CCDC3: variants seen among roughly 807,000 people sequenced by gnomAD.
CCDC3 encodes coiled-coil domain containing 3, also known as coiled-coil domain-containing protein 3.
A neutral mutation model predicts 21.4 loss-of-function variants in CCDC3; 24 were observed. The observed-to-expected ratio is 1.12, with a 90% CI of 0.81 to 1.58. The LOEUF is 1.58. Among genes scored for constraint, CCDC3 ranks in the 40% most tolerant of loss-of-function variants. The pLI is 0.00. For synonymous variants in CCDC3, 186 were observed against 166.0 expected, an observed-to-expected ratio of 1.12 and a Z score of -0.93; for missense variants, 425 against 360.9, an observed-to-expected ratio of 1.18 and a Z score of -1.44.
intron 2 of CCDC3, among the ~76,000 whole-genome samples, chr10:12,909,631 C>A (rs1016904282): frequency 1.3e-5 from 2 of 152,194 alleles, no homozygotes; most frequent in African/African-American, 4.8e-5. Context: ...TGAAGTCAGG[C>A]TCTCCCTTCC....
At chr10:13,000,725 C>T (rs2131287582) in intron 1 of CCDC3, among the ~76,000 whole-genome samples, 1 of 152,268 alleles carries the variant, frequency 6.6e-6, no homozygotes, top group African/African-American at 2.4e-5. Flanking sequence ...CTCAACCAGC[C>T]CTGTCTCTCA....
chr10:13,012,958 G>A lies in CCDC3; in HGVS notation c.-1-14446C>T, dbSNP rs190904770. 4.5e-3 allele frequency among the ~76,000 whole-genome samples: 680 copies of A among 152,028 alleles called. 3 individuals are homozygous for A. Among genetic ancestry groups the A allele is most frequent in the African/African-American group, 0.015 (608 of 41,462 alleles). The stretch of plus-strand genomic sequence containing the variant: ...AGAAAAATATTTTTCTATTGCTGCC[G>A]AAAAAATAAAGAAAAACTTAAAATT... On this transcript the variant is annotated intron_variant, in intron 5 of 6. Transcript: ENST00000378839.
Position 12,951,139 on chromosome 10 carries a change from T to A in CCDC3, c.549+47199A>T, listed in dbSNP as rs142335173. On this transcript the variant is annotated intron_variant, in intron 2 of 2. Coordinates refer to ENST00000378825, the MANE Select transcript of CCDC3 (RefSeq NM_031455.4). ...TGGCTCATGCCTGTAATTCAAGCAC[T>A]TTGGAAGGAATACTCGAGTCCAGGA... is the stretch of plus-strand genomic sequence containing the variant. 4.6e-5 allele frequency among the ~76,000 whole-genome samples: 7 copies of A among 152,308 alleles called. No individual in the cohort carries two copies. The East Asian group carries it at 1.4e-3, about 29-fold the overall frequency.
chr10:13,008,309 A>G (rs890391749), intron 5 of CCDC3, among the ~76,000 whole-genome samples: 1 of 152,192 alleles, frequency 6.6e-6, no homozygotes, highest in African/African-American at 2.4e-5. Flanking sequence ...GAATCAGAGC[A>G]TGGTTAGGGT....
intron 5 of CCDC3, among the ~76,000 whole-genome samples, chr10:13,045,269 T>A (rs1466843699): frequency 4.6e-5 from 7 of 152,228 alleles, no homozygotes; most frequent in Non-Finnish European, 1.0e-4. Context: ...GCTCCAGGTA[T>A]CAAAGAAATC....
At chr10:12,938,402 C>A (rs1361365769) in intron 2 of CCDC3, among the ~76,000 whole-genome samples, 1 of 152,196 alleles carries the variant, frequency 6.6e-6, no homozygotes, top group Non-Finnish European at 1.5e-5. Flanking sequence ...TTGGCTTCAG[C>A]TACTTTCTCC....
At chr10:12,949,500 G>C (rs1378876924) in intron 2 of CCDC3, among the ~76,000 whole-genome samples, 2 of 152,174 alleles carry the variant, frequency 1.3e-5, no homozygotes, top group Non-Finnish European at 2.9e-5. Context: ...ACACTGTGGA[G>C]TTCCATTCCA....
intron 2 of CCDC3, among the ~76,000 whole-genome samples, chr10:12,923,155 C>G (rs865783322): frequency 1.3e-5 from 2 of 152,158 alleles, no homozygotes; most frequent in Non-Finnish European, 1.5e-5. Context: ...CATGGACCCA[C>G]CATCTGGAAG....
intron 5 of CCDC3, among the ~76,000 whole-genome samples, chr10:13,038,740 C>T (rs1300271709): frequency 1.3e-5 from 2 of 152,220 alleles, no homozygotes; most frequent in African/African-American, 2.4e-5. Flanking sequence ...GTTTGTGTAG[C>T]ACCTTGTTCC....
intron 5 of CCDC3, among the ~76,000 whole-genome samples, chr10:13,018,516 T>C (rs1381607442): frequency 6.6e-6 from 1 of 152,168 alleles, no homozygotes; most frequent in Non-Finnish European, 1.5e-5. Context: ...TTCCACATTT[T>C]TGCAAGCTGC....
chr10:12,958,987 A>G (rs1449307992), intron 2 of CCDC3, among the ~76,000 whole-genome samples: 1 of 152,162 alleles, frequency 6.6e-6, no homozygotes, highest in Non-Finnish European at 1.5e-5. Flanking sequence ...TAACCAAAGA[A>G]AAGTAAGGTC....
chr10:13,077,552 A>T (rs893788345), intron 3 of CCDC3, among the ~76,000 whole-genome samples: 16 of 152,318 alleles, frequency 1.1e-4, no homozygotes, highest in African/African-American at 1.7e-4. Context: ...CATTGCCAAG[A>T]CAATCCTAAG....
At chr10:13,078,252 T>G (rs1288067250) in intron 3 of CCDC3, among the ~76,000 whole-genome samples, 1 of 151,986 alleles carries the variant, frequency 6.6e-6, no homozygotes, top group Non-Finnish European at 1.5e-5. Context: ...AAAAAACACA[T>G]GAAAAAATGC....
At chr10:12,972,641 A>AC (rs1218962366) in intron 2 of CCDC3, among the ~76,000 whole-genome samples, 3 of 152,084 alleles carry the variant, frequency 2.0e-5, no homozygotes, top group Non-Finnish European at 4.4e-5. Context: ...ACATGGTGAA[A>AC]CCCCGTCTCT....
intron 5 of CCDC3, among the ~76,000 whole-genome samples, chr10:13,009,297 T>G (rs536789980): frequency 2.2e-3 from 331 of 152,326 alleles, no homozygotes; most frequent in Admixed American, 8.8e-3. Flanking sequence ...GATATATATT[T>G]TTTTCATAGG....
intron 2 of CCDC3, among the ~76,000 whole-genome samples, chr10:12,942,012 T>G (rs953003836): frequency 1.3e-5 from 2 of 152,202 alleles, no homozygotes; most frequent in Non-Finnish European, 2.9e-5. Flanking sequence ...ACCTATACCC[T>G]TCTTTCTTTC....
intron 2 of CCDC3, among the ~76,000 whole-genome samples, chr10:12,953,472 CAG>C (rs1031097243): frequency 6.6e-6 from 1 of 152,214 alleles, no homozygotes; most frequent in African/African-American, 2.4e-5. Context: ...GATTAAAATA[CAG>C]AGAGAATACA....
chr10:13,070,434 G>C (rs1215744642), intron 4 of CCDC3, among the ~76,000 whole-genome samples: 1 of 152,206 alleles, frequency 6.6e-6, no homozygotes, highest in Non-Finnish European at 1.5e-5. Context: ...TGACTGGAAA[G>C]GTATGCTTCC....
At chr10:12,919,309 G>C (rs1198915133) in intron 2 of CCDC3, among the ~76,000 whole-genome samples, 1 of 152,006 alleles carries the variant, frequency 6.6e-6, no homozygotes, top group African/African-American at 2.4e-5. Context: ...AGTACTATTG[G>C]CCAGGCAAGG....
Sources: gnomAD v4.1 joint callset for allele counts (sites outside exome capture counted in the v4.1 genomes callset) on GRCh38, gnomAD v4.1.1 for gene constraint, MANE v1.5 for transcripts, NCBI Gene and HGNC (gene_info 2026-07-23, HGNC 2026-07-21) for gene names.